Variants in SP100 observed in about 807,000 individuals in gnomAD.
SP100 encodes the protein nuclear autoantigen Sp-100.
SP100 carries 84 observed loss-of-function variants against 130.0 expected under a neutral mutation model. The ratio of observed to expected loss-of-function variants is 0.65; its 90% CI spans 0.54 to 0.77. The LOEUF is 0.77. SP100 is among the 30% of genes least tolerant of loss of function. The probability of loss-of-function intolerance (pLI) is 0.00; values close to 1 mark genes in which losing one functional copy is unlikely to be tolerated. For missense variants in SP100, 978 were observed against 1,052.2 expected (o/e 0.93, Z 0.97); for synonymous variants, 331 against 351.7 (o/e 0.94, Z 0.66).
In SP100 at chr2:230,464,147, C is replaced by T; in HGVS notation, c.1138C>T (p.Pro380Ser). 6.3e-7 allele frequency: 1 copy of T among 1,596,262 alleles called. No individual in the cohort carries two copies. Among genetic ancestry groups the T allele is most frequent in the Non-Finnish European group, 8.6e-7 (1 of 1,163,900 alleles). Residue 380 changes from proline to serine, a missense_variant, in exon 11 of 29, where the codon CCA (proline) becomes TCA (serine). Coordinates refer to ENST00000340126, the MANE Select transcript of SP100 (RefSeq NM_001080391.2). ...EATCSRPQIVPEPMDFRKLST... is the reference protein window; with the variant it reads ...EATCSRPQIVSEPMDFRKLST... Reference sequence around the variant, plus strand: ...CACTTGCTCACGACCCCAGATTGTACCAGGTAAGAATATTAGAGTTGCAAC... The same window carrying T: ...CACTTGCTCACGACCCCAGATTGTATCAGGTAAGAATATTAGAGTTGCAAC...
chr2:230,424,724 G>A (rs1367648694), intron 2 of SP100, among the ~76,000 whole-genome samples: 3 of 151,734 alleles, frequency 2.0e-5, no homozygotes, highest in Non-Finnish European at 4.4e-5. Flanking sequence ...TGGGTAATGA[G>A]TGGGCAATTC....
At chr2:230,432,579 T>C (rs1289554437) in intron 2 of SP100, among the ~76,000 whole-genome samples, 1 of 152,212 alleles carries the variant, frequency 6.6e-6, no homozygotes, top group African/African-American at 2.4e-5. Flanking sequence ...TTGTTGTGGT[T>C]TGATTTGCTT....
Position 230,508,750 on chromosome 2 carries a change from T to G in SP100, c.2052+719T>G, listed in dbSNP as rs148593951. 2.0e-5 allele frequency: 3 copies of G among 152,332 alleles called. No homozygotes were observed. The East Asian group carries it at 5.8e-4, about 29-fold the overall frequency. 9.4% of individuals were successfully genotyped at this position (152,332 alleles called of 1,614,324 possible). On this transcript the variant is annotated intron_variant, in intron 23 of 28. Coordinates refer to ENST00000340126, the MANE Select transcript of SP100 (RefSeq NM_001080391.2). ...GTTTTTCACTGGTTTTTCTGGATTC[T>G]ATATTTTAGAAATAAATATGAAGCA...
intron 23 of SP100, 141 bp from the exon 24 acceptor site, chr2:230,510,984 T>G (rs1389618499): frequency 1.0e-5 from 7 of 691,056 alleles, no homozygotes; most frequent in Non-Finnish European, 1.6e-5. Context: ...TTCAGTTAGA[T>G]GTACAGGTCC....
chr2:230,524,962 A>C (rs1691353788), intron 24 of SP100, among the ~76,000 whole-genome samples: 1 of 152,222 alleles, frequency 6.6e-6, no homozygotes, highest in Non-Finnish European at 1.5e-5. Context: ...TCTGAAGGTT[A>C]CTTCAAATTA....
Position 230,444,335 on chromosome 2 carries a change from G to C in SP100, c.428G>C (p.Gly143Ala), listed in dbSNP as rs140633179. 9.9e-6 allele frequency: 16 copies of C among 1,610,130 alleles called. No homozygotes were observed. The highest frequency in any genetic ancestry group is 2.7e-5 in the African/African-American group (2 of 74,514). Residue 143 changes from glycine to alanine, a missense_variant, in exon 4 of 29, where the codon GGC becomes GCC. Gly to Ala is a moderately conservative substitution (Grantham distance 60). Transcript: ENST00000340126. ...EYPDLIHIYK[G>A]FENVIHDKLP... ...CCCGATTTAATTCACATTTATAAAG[G>C]CTTTGAAAATGGTAATTAGATTTAT...
intron 2 of SP100, among the ~76,000 whole-genome samples, chr2:230,428,880 G>A (rs2063017974): frequency 6.6e-6 from 1 of 152,194 alleles, no homozygotes; most frequent in Non-Finnish European, 1.5e-5. Flanking sequence ...TTCAACATGA[G>A]ATTTCAGTGG....
chr2:230,468,616 C>G (rs1360863458), intron 13 of SP100, among the ~76,000 whole-genome samples: 1 of 151,952 alleles, frequency 6.6e-6, no homozygotes. Flanking sequence ...AGTTCAAGAC[C>G]AGCCTAGGCA....
Position 230,545,580 on chromosome 2 carries a change from T to G in SP100, c.*2634T>G, listed in dbSNP as rs544323038. ...GTTTTTTTAATTGTAAATAAATGGA[T>G]CATTAAAAAAAATTTTAATAATAAA... On this transcript the variant is annotated 3_prime_UTR_variant, in exon 29 of 29. Transcript: ENST00000340126. 6.6e-6 allele frequency among the ~76,000 whole-genome samples: 1 copy of G among 152,202 alleles called. No individual in the cohort carries two copies. The highest frequency in any genetic ancestry group is 6.5e-5 in the Admixed American group (1 of 15,282).
chr2:230,443,869 C>G (rs547204168), intron 3 of SP100, among the ~76,000 whole-genome samples: 1 of 152,316 alleles, frequency 6.6e-6, no homozygotes, highest in East Asian at 1.9e-4. Flanking sequence ...TTGCCTGCTA[C>G]GTCTATCCTA....
At chr2:230,507,005 T>C (rs990857203) in intron 22 of SP100, 7 of 152,334 alleles carry the variant, frequency 4.6e-5, no homozygotes, top group African/African-American at 1.7e-4. Flanking sequence ...TTGCTGCAGA[T>C]GAACCTGTGT....
chr2:230,539,195 C>A, intron 24 of SP100, 72 bp from the exon 25 acceptor site: 1 of 869,426 alleles, frequency 1.2e-6, no homozygotes, highest in Non-Finnish European at 2.0e-6. Context: ...GCCCTTGATA[C>A]ATAAAAAGGT....
intron 4 of SP100, 54 bp from the exon 5 acceptor site, chr2:230,446,765 T>C: frequency 3.5e-6 from 4 of 1,130,774 alleles, no homozygotes; most frequent in East Asian, 2.4e-5. Context: ...TTTCCAGACA[T>C]TGTCCCTGGT....
chr2:230,479,689 C>T (rs949435732), intron 17 of SP100, among the ~76,000 whole-genome samples: 1 of 152,144 alleles, frequency 6.6e-6, no homozygotes, highest in African/African-American at 2.4e-5. Context: ...TAAAGCGATC[C>T]CCCAACCAAT....
chr2:230,514,873 G>T (rs1479163399), intron 24 of SP100: 6 of 553,916 alleles, frequency 1.1e-5, no homozygotes, highest in African/African-American at 7.7e-5. Flanking sequence ...AGGTTTCTGG[G>T]CCTGTTGGGA....
Position 230,438,666 on chromosome 2 carries a change from C to T in SP100, c.108-4271C>T, listed in dbSNP as rs1383903060. ...ATATATATACACACACACACACACACACACACACACACACACACACATATG... is the reference window on the plus strand; with the variant it reads ...ATATATATACACACACACACACACATACACACACACACACACACACATATG... On this transcript the variant is annotated intron_variant, in intron 2 of 28. Transcript: ENST00000340126. Among the ~76,000 whole-genome samples the T allele has an allele frequency of 2.2e-3, 339 of 151,102 alleles. 1 individual carries two copies. Among genetic ancestry groups the T allele is most frequent in the African/African-American group, 8.0e-3 (325 of 40,864 alleles).
intron 17 of SP100, among the ~76,000 whole-genome samples, chr2:230,477,817 C>G (rs570999964): frequency 6.6e-6 from 1 of 152,160 alleles, no homozygotes; most frequent in Admixed American, 6.5e-5. Context: ...TGCCTATAAT[C>G]CCAGTTTCTC....
At chr2:230,481,775 T>G (rs2065842779) in intron 17 of SP100, among the ~76,000 whole-genome samples, 1 of 152,202 alleles carries the variant, frequency 6.6e-6, no homozygotes, top group Non-Finnish European at 1.5e-5. Flanking sequence ...CCTCATCCTT[T>G]ATGATTCCCC....
intron 28 of SP100, among the ~76,000 whole-genome samples, chr2:230,542,440 A>T (rs2150118955): frequency 6.6e-6 from 1 of 152,294 alleles, no homozygotes; most frequent in Non-Finnish European, 1.5e-5. Flanking sequence ...TTTACATCTG[A>T]ACTTCCTGGC....
Sources: allele counts gnomAD v4.1 joint callset (sites outside exome capture counted in the v4.1 genomes callset), GRCh38; gene constraint gnomAD v4.1.1; transcripts MANE v1.5; gene names NCBI Gene and HGNC (gene_info 2026-07-23, HGNC 2026-07-21).